Variants in CLSTN2 observed in about 807,000 individuals in gnomAD.
CLSTN2 encodes calsyntenin 2, also known as calsyntenin-2.
CLSTN2 carries 48 observed loss-of-function variants against 101.2 expected under a neutral mutation model. The ratio of observed to expected loss-of-function variants is 0.47; its 90% CI spans 0.38 to 0.60. The LOEUF (loss-of-function observed/expected upper bound fraction) is 0.60, where lower values mean the gene tolerates loss of function less well. Among genes scored for constraint, CLSTN2 ranks in the 20% least tolerant of loss-of-function variants. The pLI, the probability that CLSTN2 is intolerant of heterozygous loss-of-function variation, is 0.00. For missense variants in CLSTN2, 1,160 were observed against 1,238.2 expected, an observed-to-expected ratio of 0.94 and a Z score of 0.95; for synonymous variants, 481 against 463.6, an observed-to-expected ratio of 1.04 and a Z score of -0.48.
At chr3:140,096,590 T>C (rs899014603) in intron 1 of CLSTN2, among the ~76,000 whole-genome samples, 2 of 152,194 alleles carry the variant, frequency 1.3e-5, no homozygotes, top group Non-Finnish European at 2.9e-5. Context: ...AGAATTCTTC[T>C]AGGTCATGAA....
At chr3:140,297,138 A>G (rs1030160087) in intron 2 of CLSTN2, among the ~76,000 whole-genome samples, 2 of 152,206 alleles carry the variant, frequency 1.3e-5, no homozygotes, top group African/African-American at 4.8e-5. Flanking sequence ...TGACTAAGAA[A>G]CATCTGGACT....
chr3:140,188,765 CA>C (rs1187959691), intron 2 of CLSTN2, among the ~76,000 whole-genome samples: 1 of 152,134 alleles, frequency 6.6e-6, no homozygotes, highest in African/African-American at 2.4e-5. Flanking sequence ...AGACATCATA[CA>C]GAGAGATTAT....
At chr3:140,369,523 A>T (rs1225030600) in intron 2 of CLSTN2, among the ~76,000 whole-genome samples, 3 of 152,132 alleles carry the variant, frequency 2.0e-5, no homozygotes, top group Non-Finnish European at 2.9e-5. Context: ...TGCATTTGCT[A>T]TCCTCTGGAC....
chr3:140,120,169 C>T (rs1025869273), intron 1 of CLSTN2, among the ~76,000 whole-genome samples: 2 of 152,150 alleles, frequency 1.3e-5, no homozygotes, highest in African/African-American at 4.8e-5. Flanking sequence ...ACCACCACCC[C>T]AGATACTAGC....
intron 2 of CLSTN2, among the ~76,000 whole-genome samples, chr3:140,310,872 G>T (rs1254396300): frequency 3.9e-5 from 6 of 152,166 alleles, no homozygotes. Context: ...GTTATTCAAT[G>T]AATATTAATT....
chr3:140,029,897 C>T (rs13098635), intron 1 of CLSTN2, among the ~76,000 whole-genome samples: 10,621 of 152,140 alleles, frequency 0.07, 469 homozygotes, highest in Non-Finnish European at 0.093. Context: ...TGGAGGCAAC[C>T]GAATTTCAAA....
At chr3:140,395,004 G>C (rs750635224) in intron 2 of CLSTN2, among the ~76,000 whole-genome samples, 24 of 151,990 alleles carry the variant, frequency 1.6e-4, no homozygotes, top group Non-Finnish European at 2.8e-4. Flanking sequence ...ACCTCTCCAA[G>C]TCTCTCAGCA....
chr3:140,266,151 G>T (rs2086692095), intron 2 of CLSTN2, among the ~76,000 whole-genome samples: 1 of 152,150 alleles, frequency 6.6e-6, no homozygotes, highest in African/African-American at 2.4e-5. Context: ...TCTGCACTCA[G>T]TATTGGCACA....
At chr3:140,047,905 T>A (rs994497256) in intron 1 of CLSTN2, among the ~76,000 whole-genome samples, 2 of 152,210 alleles carry the variant, frequency 1.3e-5, no homozygotes, top group African/African-American at 2.4e-5. Flanking sequence ...CAACATGAGT[T>A]TTGAAGTGGC....
At chr3:140,429,983 CA>C (rs1168481068) in intron 5 of CLSTN2, among the ~76,000 whole-genome samples, 1 of 152,148 alleles carries the variant, frequency 6.6e-6, no homozygotes, top group African/African-American at 2.4e-5. Context: ...ACCCAGTCCC[CA>C]GGGGTCAGCT....
chr3:140,129,707 G>C (rs1016383853), intron 1 of CLSTN2, among the ~76,000 whole-genome samples: 1 of 152,152 alleles, frequency 6.6e-6, no homozygotes, highest in Non-Finnish European at 1.5e-5. Context: ...TTGGGGACTG[G>C]AACTTGAGGG....
intron 2 of CLSTN2, among the ~76,000 whole-genome samples, chr3:140,240,170 C>CTATA (rs2086449650): frequency 2.5e-4 from 4 of 16,032 alleles, no homozygotes; most frequent in Admixed American, 1.8e-3. Context: ...CTCTCTCTCT[C>CTATA]TCTCTATATA....
At chr3:140,554,124 G>A (rs1268931346) in intron 10 of CLSTN2, among the ~76,000 whole-genome samples, 2 of 152,274 alleles carry the variant, frequency 1.3e-5, no homozygotes, top group East Asian at 3.9e-4. Context: ...AATGATATAG[G>A]AGAAAGGCAC....
chr3:140,547,351 G>A (rs1276372640), intron 10 of CLSTN2, among the ~76,000 whole-genome samples: 1 of 152,090 alleles, frequency 6.6e-6, no homozygotes, highest in Non-Finnish European at 1.5e-5. Context: ...GCGTGCACCT[G>A]TAATCCCAGC....
intron 2 of CLSTN2, among the ~76,000 whole-genome samples, chr3:140,297,582 C>T (rs1405526212): frequency 6.6e-6 from 1 of 152,100 alleles, no homozygotes; most frequent in Admixed American, 6.5e-5. Flanking sequence ...TAACCAGTCT[C>T]CTGAAAGGCT....
chr3:140,122,423 C>A (rs1174571728), intron 1 of CLSTN2, among the ~76,000 whole-genome samples: 1 of 152,164 alleles, frequency 6.6e-6, no homozygotes, highest in Non-Finnish European at 1.5e-5. Flanking sequence ...TGGTGATAAC[C>A]ACTAATGGAA....
chr3:140,439,712 T>G (rs555686565), intron 5 of CLSTN2, among the ~76,000 whole-genome samples: 16 of 151,718 alleles, frequency 1.1e-4, no homozygotes, highest in Admixed American at 2.0e-4. Context: ...AGCACACACA[T>G]GTGCACATGC....
At chr3:140,279,967 C>T (rs922306193) in intron 2 of CLSTN2, among the ~76,000 whole-genome samples, 3 of 152,162 alleles carry the variant, frequency 2.0e-5, no homozygotes, top group African/African-American at 4.8e-5. Flanking sequence ...CTTGGTGGCT[C>T]GCTCCACTCT....
In CLSTN2 at chr3:140,576,174, C is replaced by T. The variant is rs1264428196; in HGVS notation, c.*9921C>T. On this transcript the variant is annotated 3_prime_UTR_variant, in exon 17 of 17. Coordinates refer to ENST00000458420, the MANE Select transcript of CLSTN2 (RefSeq NM_022131.3). ...CCTCTGTGAATCCACAGATTCCATGCAATATTCAGCCAGCCGCAGACACAA... is the reference window on the plus strand; with the variant it reads ...CCTCTGTGAATCCACAGATTCCATGTAATATTCAGCCAGCCGCAGACACAA... 2.0e-5 allele frequency: 3 copies of T among 152,234 alleles called. No individual in the cohort carries two copies. The highest frequency in any genetic ancestry group is 7.2e-5 in the African/African-American group (3 of 41,456). 9.4% of individuals were successfully genotyped at this position (152,234 alleles called of 1,614,324 possible).
Sources: gnomAD v4.1 joint callset for allele counts (sites outside exome capture counted in the v4.1 genomes callset) on GRCh38, gnomAD v4.1.1 for gene constraint, MANE v1.5 for transcripts, NCBI Gene and HGNC (gene_info 2026-07-23, HGNC 2026-07-21) for gene names.